Variants in PLS1 observed in about 807,000 individuals in gnomAD.
The protein encoded by PLS1 is plastin 1, also known as plastin-1.
In PLS1, 32 loss-of-function variants were observed where a neutral mutation model predicts 73.7. The ratio of observed to expected loss-of-function variants is 0.43; its 90% confidence interval spans 0.33 to 0.58. The LOEUF is 0.58. PLS1 is among the 20% of genes least tolerant of loss of function. The pLI, the probability that PLS1 is intolerant of heterozygous loss-of-function variation, is 0.04. For synonymous variants in PLS1, 217 were observed against 261.3 expected (o/e 0.83, Z 1.63); for missense variants, 633 against 740.5 (o/e 0.85, Z 1.68).
chr3:142,613,207 G>A (rs1178362091), intron 1 of PLS1, among the ~76,000 whole-genome samples: 7 of 152,138 alleles, frequency 4.6e-5, no homozygotes, highest in East Asian at 1.9e-4. Flanking sequence ...GCTGGGCGCC[G>A]TGGTTCACGC....
intron 1 of PLS1, among the ~76,000 whole-genome samples, chr3:142,598,515 G>C (rs1188458291): frequency 2.6e-5 from 4 of 152,126 alleles, no homozygotes; most frequent in Admixed American, 2.6e-4. Context: ...GTAAAAACAC[G>C]GGTCAGTTGG....
At chr3:142,681,883 CCCATTTT>C (rs1397485505) in intron 6 of PLS1, among the ~76,000 whole-genome samples, 1 of 152,160 alleles carries the variant, frequency 6.6e-6, no homozygotes, top group African/African-American at 2.4e-5. Flanking sequence ...TTATTTTCTA[CCCATTTT>C]TAAAGCCAAA....
intron 1 of PLS1, among the ~76,000 whole-genome samples, chr3:142,621,409 T>C (rs1358924401): frequency 2.0e-5 from 3 of 152,196 alleles, no homozygotes; most frequent in African/African-American, 7.2e-5. Flanking sequence ...GCTGAAGCAT[T>C]ATTTCTAAAA....
At chr3:142,638,140 T>C (rs1235048959) in intron 1 of PLS1, among the ~76,000 whole-genome samples, 2 of 152,208 alleles carry the variant, frequency 1.3e-5, no homozygotes, top group African/African-American at 4.8e-5. Flanking sequence ...TTAAGTCGTT[T>C]TAAGCATGCA....
At chr3:142,608,330 T>C (rs1231336198) in intron 1 of PLS1, among the ~76,000 whole-genome samples, 1 of 152,238 alleles carries the variant, frequency 6.6e-6, no homozygotes, top group Non-Finnish European at 1.5e-5. Flanking sequence ...AAGCCAAAGA[T>C]ACATTTTTCA....
At chr3:142,620,471 A>G (rs915390579) in intron 1 of PLS1, among the ~76,000 whole-genome samples, 5 of 152,328 alleles carry the variant, frequency 3.3e-5, no homozygotes, top group Admixed American at 6.5e-5. Context: ...ATTCTCACAG[A>G]TGATATGACA....
At chr3:142,694,812 C>G (rs1016689822) in intron 11 of PLS1, among the ~76,000 whole-genome samples, 5 of 152,110 alleles carry the variant, frequency 3.3e-5, no homozygotes, top group African/African-American at 1.2e-4. Context: ...AAAATAATTT[C>G]AACTTTAACA....
intron 1 of PLS1, among the ~76,000 whole-genome samples, chr3:142,652,887 A>G (rs916845533): frequency 2.6e-5 from 4 of 152,206 alleles, no homozygotes; most frequent in African/African-American, 9.7e-5. Context: ...TAACATTTGA[A>G]CCTCTGTGTT....
intron 12 of PLS1, among the ~76,000 whole-genome samples, chr3:142,699,509 A>G (rs1229798674): frequency 6.6e-6 from 1 of 152,198 alleles, no homozygotes; most frequent in African/African-American, 2.4e-5. Context: ...TGATGGGTGC[A>G]GAAAACCACC....
chr3:142,694,730 G>C (rs1469078540), intron 11 of PLS1, among the ~76,000 whole-genome samples, 183 bp downstream of exon 11: 1 of 152,142 alleles, frequency 6.6e-6, no homozygotes, highest in Non-Finnish European at 1.5e-5. Flanking sequence ...TTCAAAAAAG[G>C]AATAATAGTT....
intron 1 of PLS1, among the ~76,000 whole-genome samples, chr3:142,606,584 C>T (rs1194956638): frequency 6.6e-6 from 1 of 152,162 alleles, no homozygotes; most frequent in Non-Finnish European, 1.5e-5. Context: ...TTAGCACTTT[C>T]CTCATTTTCT....
chr3:142,702,118 G>A (rs749561790), intron 12 of PLS1, among the ~76,000 whole-genome samples: 9 of 152,174 alleles, frequency 5.9e-5, no homozygotes, highest in Admixed American at 1.3e-4. Flanking sequence ...ATTCACAGGC[G>A]TGATTATAGC....
chr3:142,671,894 C>G (rs1020851142), intron 4 of PLS1, among the ~76,000 whole-genome samples: 3 of 152,060 alleles, frequency 2.0e-5, no homozygotes, highest in African/African-American at 7.2e-5. Context: ...TTTCCTCTAG[C>G]GATACACTCA....
At chr3:142,623,208 G>A (rs919372551) in intron 1 of PLS1, among the ~76,000 whole-genome samples, 2 of 152,166 alleles carry the variant, frequency 1.3e-5, no homozygotes, top group Non-Finnish European at 2.9e-5. Context: ...CATTCCATAG[G>A]AAGAAAACCT....
intron 1 of PLS1, among the ~76,000 whole-genome samples, chr3:142,658,318 C>CA (rs536427080): frequency 3.3e-5 from 5 of 151,558 alleles, no homozygotes; most frequent in African/African-American, 4.8e-5. Flanking sequence ...GCTAAAAATA[C>CA]AAAAAAAATT....
intron 1 of PLS1, among the ~76,000 whole-genome samples, chr3:142,640,596 G>A (rs559256728): frequency 5.9e-5 from 9 of 152,178 alleles, no homozygotes; most frequent in African/African-American, 2.2e-4. Flanking sequence ...GACTTTAAAG[G>A]GTGAAGAAAG....
intron 12 of PLS1, 91 bp downstream of exon 12, chr3:142,698,158 C>A: frequency 1.4e-6 from 1 of 735,612 alleles, no homozygotes; most frequent in East Asian, 2.7e-5. Flanking sequence ...TGCTCTGTCC[C>A]CACAATTCTG....
intron 2 of PLS1, among the ~76,000 whole-genome samples, chr3:142,669,125 C>T (rs140326664): frequency 1.5e-3 from 234 of 152,276 alleles, no homozygotes; most frequent in African/African-American, 5.4e-3. Flanking sequence ...TAGCTCACTA[C>T]AGCCTCGAAC....
chr3:142,684,006 G>GA lies in PLS1; in HGVS notation c.584dup (p.Asn195LysfsTer47). On this transcript the variant is annotated frameshift_variant and splice_region_variant, in exon 7 of 16. Transcript: ENST00000457734. LOFTEE classifies it high-confidence loss of function. ...TGTACTTTTTTTTTTGGCAATTCAG[G>GA]AAAATTTAAACCTAGCTCTGAATTC... is the stretch of plus-strand genomic sequence containing the variant. 6.3e-7 allele frequency: 1 copy of GA among 1,589,846 alleles called. No individual in the cohort carries two copies. Among genetic ancestry groups the GA allele is most frequent in the Non-Finnish European group, 8.5e-7 (1 of 1,171,140 alleles).
Sources: allele counts gnomAD v4.1 joint callset (sites outside exome capture counted in the v4.1 genomes callset), GRCh38; gene constraint gnomAD v4.1.1; transcripts MANE v1.5; gene names NCBI Gene and HGNC (gene_info 2026-07-23, HGNC 2026-07-21).